Variants in SCN3A observed in about 807,000 individuals in gnomAD.
SCN3A encodes sodium voltage-gated channel alpha subunit 3, also known as sodium channel protein type 3 subunit alpha.
A neutral mutation model predicts 187.6 loss-of-function variants in SCN3A; 60 were observed. The observed-to-expected ratio is 0.32, with a 90% confidence interval of 0.26 to 0.40. The LOEUF (loss-of-function observed/expected upper bound fraction) is 0.40, where lower values mean the gene tolerates loss of function less well. SCN3A is among the 10% of genes least tolerant of loss of function. SCN3A has a pLI of 1.00. For synonymous variants in SCN3A, 788 were observed against 829.2 expected, an observed-to-expected ratio of 0.95 and a Z score of 0.85; for missense variants, 1,601 against 2,428.2, an observed-to-expected ratio of 0.66 and a Z score of 7.16.
intron 5 of SCN3A, among the ~76,000 whole-genome samples, chr2:165,168,384 C>A (rs760715313): frequency 1.1e-4 from 16 of 151,910 alleles, no homozygotes; most frequent in Non-Finnish European, 1.8e-4. Flanking sequence ...TCACTATATA[C>A]TGGAATAAAA....
At position 165,115,462 on chromosome 2, in the gene SCN3A, A is replaced by G; in HGVS notation, c.3507T>C (p.Phe1169=). The G allele has an allele frequency of 6.2e-7, 1 of 1,613,892 alleles. No individual in the cohort carries two copies. Among genetic ancestry groups the G allele is most frequent in the Non-Finnish European group, 8.5e-7 (1 of 1,179,908 alleles). ...ACATCAGAGCTTGTTTACCTTCAGT[A>G]AAACAAGCTTCCGGTTTAAGGTCTT... ...PEEDLKPEAC[F]TEGCIKKFPF... is the part of the protein sequence containing the mutation. The change falls in exon 19 of 28, where the codon TTT becomes TTC. Residue 1169 remains phenylalanine, a synonymous_variant. Coordinates refer to ENST00000283254, the MANE Select transcript of SCN3A (RefSeq NM_006922.4).
At chr2:165,127,515 CAT>C in intron 18 of SCN3A, 114 bp downstream of exon 18, 1 of 807,446 alleles carries the variant, frequency 1.2e-6, no homozygotes, top group Non-Finnish European at 2.1e-6. Flanking sequence ...TCACTATAGA[CAT>C]ATGACTTTCA....
chr2:165,097,178 G>A (rs1047227030), intron 23 of SCN3A, 74 bp downstream of exon 23: 33 of 1,562,490 alleles, frequency 2.1e-5, no homozygotes, highest in South Asian at 1.5e-4. Flanking sequence ...TCATTCAAAC[G>A]AAGAACATCA....
chr2:165,144,563 C>T (rs1688208342), intron 12 of SCN3A, among the ~76,000 whole-genome samples: 1 of 152,118 alleles, frequency 6.6e-6, no homozygotes, highest in African/African-American at 2.4e-5. Flanking sequence ...GTTTAGAATG[C>T]TGTTCCTTAA....
chr2:165,090,334 A>G lies in SCN3A; in HGVS notation c.5819T>C (p.Ile1940Thr). ...TTTGTCAATAATCATGTCTTGTTTTATAGGTAAGTCAATCCTCCCTTTAAT... is the reference window on the plus strand; with the variant it reads ...TTTGTCAATAATCATGTCTTGTTTTGTAGGTAAGTCAATCCTCCCTTTAAT... ...EAIKGRIDLP[I>T]KQDMIIDKLN... Residue 1940 changes from isoleucine (I) to threonine (T), a missense_variant, in exon 28 of 28, where the codon ATA becomes ACA. Around this residue, in one of 11 missense-constraint regions of SCN3A, gnomAD observed 87 missense variants for 89.2 expected, o/e 0.98. Coordinates refer to ENST00000283254, the MANE Select transcript of SCN3A (RefSeq NM_006922.4). This position sits in a 1 kb window ranked among gnomAD's most constrained non-coding sequence, Gnocchi z 4.0. The G allele has an allele frequency of 1.2e-6, 2 of 1,613,358 alleles. No individual in the cohort carries two copies. Among genetic ancestry groups the G allele is most frequent in the Non-Finnish European group, 1.7e-6 (2 of 1,179,418 alleles).
At chr2:165,127,544 A>G in intron 18 of SCN3A, 87 bp downstream of exon 18, 3 of 1,011,964 alleles carry the variant, frequency 3.0e-6, no homozygotes, top group Non-Finnish European at 3.0e-6. Flanking sequence ...CTTTTTGATA[A>G]TGCATATAAG....
intron 9 of SCN3A, among the ~76,000 whole-genome samples, chr2:165,159,073 A>G (rs1422565768): frequency 7.2e-6 from 1 of 138,240 alleles, no homozygotes; most frequent in Non-Finnish European, 1.5e-5. Flanking sequence ...AATAAGCAAG[A>G]GTTCCTGTTA....
At chr2:165,172,075 T>C (rs909052967) in intron 3 of SCN3A, among the ~76,000 whole-genome samples, 20 of 152,166 alleles carry the variant, frequency 1.3e-4, no homozygotes, top group African/African-American at 4.8e-4. Flanking sequence ...AAAATATTTA[T>C]ATTGTCAGTA....
intron 18 of SCN3A, among the ~76,000 whole-genome samples, chr2:165,119,574 A>G (rs1212098902): frequency 1.3e-5 from 2 of 152,140 alleles, no homozygotes; most frequent in Non-Finnish European, 2.9e-5. Flanking sequence ...CACTGATATA[A>G]TCTAAATAAT....
chr2:165,121,355 G>A (rs780204943), intron 18 of SCN3A, among the ~76,000 whole-genome samples: 2 of 152,100 alleles, frequency 1.3e-5, no homozygotes, highest in Non-Finnish European at 2.9e-5. Context: ...TAAAGACTCT[G>A]AAAAGGAGGG....
intron 2 of SCN3A, among the ~76,000 whole-genome samples, chr2:165,176,951 C>G (rs1296229801): frequency 6.6e-6 from 1 of 152,044 alleles, no homozygotes; most frequent in Non-Finnish European, 1.5e-5. Context: ...TAATACATCC[C>G]TGACTCATAC....
At chr2:165,202,292 C>A (rs2106003988) in intron 1 of SCN3A, among the ~76,000 whole-genome samples, 2 of 151,938 alleles carry the variant, frequency 1.3e-5, no homozygotes, top group Admixed American at 1.3e-4. Flanking sequence ...TGCAACTATA[C>A]CAAGAAAAAT....
chr2:165,178,822 T>G (rs962638797), intron 2 of SCN3A, among the ~76,000 whole-genome samples: 1 of 152,206 alleles, frequency 6.6e-6, no homozygotes, highest in Non-Finnish European at 1.5e-5. Flanking sequence ...ATTTTGTGTT[T>G]TCTAAATTTA....
chr2:165,174,393 A>T (rs963470689), intron 3 of SCN3A, among the ~76,000 whole-genome samples: 1 of 152,098 alleles, frequency 6.6e-6, no homozygotes, highest in Non-Finnish European at 1.5e-5. Context: ...AATGTTTAAT[A>T]GCATGTGTTA....
At chr2:165,189,929 T>G (rs1267302014) in intron 1 of SCN3A, among the ~76,000 whole-genome samples, 1 of 152,234 alleles carries the variant, frequency 6.6e-6, no homozygotes, top group Non-Finnish European at 1.5e-5. Context: ...TACAACCATT[T>G]GTGTCATGCA....
At chr2:165,115,711 C>A in intron 18 of SCN3A, 136 bp from the exon 19 acceptor site, 1 of 827,096 alleles carries the variant, frequency 1.2e-6, no homozygotes, top group South Asian at 1.4e-5. Flanking sequence ...TCATTATGTA[C>A]TAATAATTTA....
At chr2:165,115,613 C>G (rs754373177) in intron 18 of SCN3A, 38 bp from the exon 19 acceptor site, 1 of 1,607,116 alleles carries the variant, frequency 6.2e-7, no homozygotes, top group South Asian at 1.1e-5. Flanking sequence ...GTGATTTTCC[C>G]CCTTTTATTT....
chr2:165,136,803 A>G (rs916788432), intron 15 of SCN3A, among the ~76,000 whole-genome samples: 2 of 152,230 alleles, frequency 1.3e-5, no homozygotes, highest in African/African-American at 4.8e-5. Flanking sequence ...ACTGAGTCAA[A>G]TAATGCAGAT....
chr2:165,090,551 C>T lies in SCN3A; in HGVS notation c.5602G>A (p.Asp1868Asn). 1 of 1,613,952 alleles carries T rather than the reference C, an allele frequency of 6.2e-7. No individual in the cohort carries two copies. Among genetic ancestry groups the T allele is most frequent in the Non-Finnish European group, 8.5e-7 (1 of 1,179,970 alleles). The change falls in exon 28 of 28, where the codon GAT becomes AAT. Residue 1868 changes from aspartate (D) to asparagine (N), a missense_variant. Physicochemically the swap from Asp to Asn is conservative, Grantham distance 23. Coordinates refer to ENST00000283254, the MANE Select transcript of SCN3A (RefSeq NM_006922.4). This position sits in a 1 kb window ranked among gnomAD's most constrained non-coding sequence, Gnocchi z 4.0. Reference sequence around the variant, plus strand: ...TCTTCCATCTGTATTCGAAGGGCATCCATCTCTCCACTCTCACCCAAAACA... The same window carrying T: ...TCTTCCATCTGTATTCGAAGGGCATTCATCTCTCCACTCTCACCCAAAACA... ...KRVLGESGEMDALRIQMEDRF... is the reference protein window; with the variant it reads ...KRVLGESGEMNALRIQMEDRF...
Sources: gnomAD v4.1 joint callset for allele counts (sites outside exome capture counted in the v4.1 genomes callset) on GRCh38, gnomAD v4.1.1 for gene constraint, gnomAD v4.1.1 regional missense constraint, Gnocchi (gnomAD v3.1) non-coding constraint, MANE v1.5 for transcripts, NCBI Gene and HGNC (gene_info 2026-07-23, HGNC 2026-07-21) for gene names.